TPD52L2: variants seen among roughly 807,000 people sequenced by gnomAD.
The protein encoded by TPD52L2 is tumor protein D54.
Under a neutral mutation model 24.7 loss-of-function variants are expected in TPD52L2, and 19 were observed. The observed-to-expected ratio is 0.77, with a 90% CI of 0.54 to 1.13. The LOEUF is 1.13. TPD52L2 is among the 50% of genes most tolerant of loss of function. The probability of loss-of-function intolerance (pLI) is 0.00; values close to 1 mark genes in which losing one functional copy is unlikely to be tolerated. For missense variants in TPD52L2, 236 were observed against 250.4 expected (o/e 0.94, Z 0.39); for synonymous variants, 104 against 100.2 (o/e 1.04, Z -0.23).
At chr20:63,889,039 T>C in intron 5 of TPD52L2, 151 bp from the exon 6 acceptor site, 1 of 688,336 alleles carries the variant, frequency 1.5e-6, no homozygotes, top group Non-Finnish European at 2.6e-6. Context: ...GTCTCCGGAA[T>C]GACCTGGCTG....
chr20:63,884,059 A>G (rs2053005021), intron 5 of TPD52L2, among the ~76,000 whole-genome samples: 1 of 152,052 alleles, frequency 6.6e-6, no homozygotes, highest in Non-Finnish European at 1.5e-5. Context: ...GAGGTAATCT[A>G]CCTTCCCATC....
intron 4 of TPD52L2, 87 bp from the exon 5 acceptor site, chr20:63,882,632 C>T (rs773710488): frequency 5.0e-5 from 54 of 1,072,122 alleles, no homozygotes; most frequent in East Asian, 1.2e-4. Flanking sequence ...CAGTTTTCCT[C>T]GGGCGTGCTC....
intron 1 of TPD52L2, among the ~76,000 whole-genome samples, chr20:63,865,619 C>G (rs1429735465): frequency 2.6e-5 from 4 of 152,224 alleles, no homozygotes; most frequent in African/African-American, 7.2e-5. Flanking sequence ...CTGGTCTCCC[C>G]TGGGACCGTT....
intron 4 of TPD52L2, among the ~76,000 whole-genome samples, chr20:63,876,403 C>T: frequency 6.6e-6 from 1 of 152,174 alleles, no homozygotes; most frequent in East Asian, 1.9e-4. Context: ...ACTGCATTGT[C>T]AGAGCATCAG....
At chr20:63,878,937 A>G (rs2146214860) in intron 4 of TPD52L2, among the ~76,000 whole-genome samples, 1 of 152,268 alleles carries the variant, frequency 6.6e-6, no homozygotes, top group Admixed American at 6.5e-5. Flanking sequence ...GTCATGGAGT[A>G]ATAACAACCC....
chr20:63,868,719 G>A (rs530073139), intron 1 of TPD52L2, among the ~76,000 whole-genome samples: 1 of 152,308 alleles, frequency 6.6e-6, no homozygotes, highest in East Asian at 1.9e-4. Context: ...CAAGGCGGGC[G>A]GATCACCCGA....
chr20:63,889,027 G>A (rs919453762), intron 5 of TPD52L2, 163 bp from the exon 6 acceptor site: 31 of 659,302 alleles, frequency 4.7e-5, no homozygotes, highest in South Asian at 4.3e-4. Flanking sequence ...TTGACCTGGG[G>A]AGTCTCCGGA....
rs1273649222 is a variant in TPD52L2 at position 63,887,420 on chromosome 20, AT to A, written c.477-1768del. 2.2e-5 allele frequency: 20 copies of A among 930,038 alleles called. No homozygotes were observed. The Admixed American group carries it at 2.2e-4, about 10-fold the overall frequency. 57.6% of individuals were successfully genotyped at this position (930,038 alleles called of 1,614,324 possible). A position where few individuals can be genotyped will look rare whatever the true frequency, so the allele number is the denominator to read the frequency against. On this transcript the variant is annotated intron_variant, in intron 5 of 6. Coordinates refer to ENST00000346249, the MANE Select transcript of TPD52L2 (RefSeq NM_003288.4). ...CTGGGGTCGAGTTTCCTTCGGGGGC[AT>A]TGTGTGGAGGGGCAGGCAGCTCGCT...
chr20:63,886,118 G>A (rs959985550), intron 5 of TPD52L2: 478 of 1,471,432 alleles, frequency 3.2e-4, no homozygotes, highest in Non-Finnish European at 4.4e-4. Context: ...CAGGGCCCTT[G>A]GGCGGCTGTG....
chr20:63,877,965 C>T lies in TPD52L2; in HGVS notation c.374+2090C>T, dbSNP rs990083008. Among the ~76,000 whole-genome samples the T allele has an allele frequency of 6.6e-6, 1 of 152,062 alleles. No homozygotes were observed. The highest frequency in any genetic ancestry group is 1.5e-5 in the Non-Finnish European group (1 of 67,898). ...GGGCGATGGTTTCTGCCGGGACGGC[C>T]GAGGCCGAGGGCGGTGGTTTCTGCC... On this transcript the variant is annotated intron_variant, in intron 4 of 6. Transcript: ENST00000346249. This position sits in a 1 kb window ranked among gnomAD's most constrained non-coding sequence, Gnocchi z 4.1.
chr20:63,884,493 T>G (rs184027452), intron 5 of TPD52L2, among the ~76,000 whole-genome samples: 2 of 152,284 alleles, frequency 1.3e-5, no homozygotes, highest in East Asian at 3.9e-4. Context: ...TGGCACTGAT[T>G]GGAATAGCCG....
intron 4 of TPD52L2, among the ~76,000 whole-genome samples, chr20:63,876,476 TC>T (rs1252060743): frequency 2.0e-5 from 3 of 152,218 alleles, no homozygotes; most frequent in African/African-American, 7.2e-5. Flanking sequence ...TCAGAGTGAC[TC>T]CTAATATTTG....
chr20:63,870,722 G>T (rs1215990977), intron 2 of TPD52L2, among the ~76,000 whole-genome samples: 27 of 109,304 alleles, frequency 2.5e-4, no homozygotes, highest in Non-Finnish European at 4.5e-4. Flanking sequence ...GATGGGGTTT[G>T]TTTTTTTTTT....
At chr20:63,868,212 A>G (rs946440817) in intron 1 of TPD52L2, among the ~76,000 whole-genome samples, 2 of 152,332 alleles carry the variant, frequency 1.3e-5, no homozygotes, top group Middle Eastern at 3.4e-3. Context: ...TGCGCCTGGC[A>G]GTAAGCCTGT....
chr20:63,886,786 A>T (rs1456261684), intron 5 of TPD52L2: 2 of 151,904 alleles, frequency 1.3e-5, no homozygotes, highest in African/African-American at 4.9e-5. Context: ...CTGGGATTAC[A>T]GGCATGAGCC....
At chr20:63,875,281 A>G (rs2052629598) in intron 3 of TPD52L2, among the ~76,000 whole-genome samples, 1 of 151,982 alleles carries the variant, frequency 6.6e-6, no homozygotes, top group African/African-American at 2.4e-5. Context: ...CCTGTCCCAG[A>G]TGTCGCTCAG....
intron 4 of TPD52L2, 79 bp from the exon 5 acceptor site, chr20:63,882,640 C>A: frequency 8.7e-7 from 1 of 1,151,504 alleles, no homozygotes; most frequent in Non-Finnish European, 1.3e-6. Flanking sequence ...CTCGGGCGTG[C>A]TCCCAGTGCT....
At chr20:63,874,000 C>G (rs1293671563) in intron 3 of TPD52L2, among the ~76,000 whole-genome samples, 184 bp downstream of exon 3, 1 of 152,076 alleles carries the variant, frequency 6.6e-6, no homozygotes, top group East Asian at 1.9e-4. Context: ...CTTGTTTGTT[C>G]AAAAAGCTTG....
Position 63,873,762 on chromosome 20 carries a change from G to A in TPD52L2, c.260G>A (p.Gly87Glu). ...AGGAGGCTGGGCCTCTCCACCCTGG[G>A]GGAGCTGAAACAGAACCTGTCCAGG... is the stretch of plus-strand genomic sequence containing the variant. Reference protein sequence around the residue: ...LKRRLGLSTLGELKQNLSRSW... With the variant: ...LKRRLGLSTLEELKQNLSRSW... Residue 87 changes from glycine (G) to glutamate (E), a missense_variant, in exon 3 of 7, where the codon GGG (glycine) becomes GAG (glutamate). Gly to Glu is a moderately conservative substitution (Grantham distance 98). Transcript: ENST00000346249. 1 of 1,600,722 alleles carries A rather than the reference G, an allele frequency of 6.2e-7. No individual in the cohort carries two copies. Among genetic ancestry groups the A allele is most frequent in the African/African-American group, 1.3e-5 (1 of 74,180 alleles).
Sources: allele counts gnomAD v4.1 joint callset (sites outside exome capture counted in the v4.1 genomes callset), GRCh38; gene constraint gnomAD v4.1.1; non-coding constraint Gnocchi (gnomAD v3.1); transcripts MANE v1.5; gene names NCBI Gene and HGNC (gene_info 2026-07-23, HGNC 2026-07-21).